SGTB: variants seen among roughly 807,000 people sequenced by gnomAD.
SGTB encodes small glutamine rich tetratricopeptide repeat co-chaperone beta.
Under a neutral mutation model 43.9 loss-of-function variants are expected in SGTB, and 19 were observed. That is an observed-to-expected ratio of 0.43 (90% CI 0.30 to 0.63). The LOEUF is 0.63. Ranked by LOEUF, SGTB falls within the 30% of genes least tolerant of loss-of-function variation. The pLI is 0.12. For missense variants in SGTB, 304 were observed against 358.9 expected (o/e 0.85, Z 1.24); for synonymous variants, 116 against 117.3 (o/e 0.99, Z 0.07).
Position 65,714,114 on chromosome 5 carries a change from A to T in SGTB, c.101-1050T>A, listed in dbSNP as rs199815032. Reference sequence around the variant, plus strand: ...TACAAACCTAAAATATTATTTTTTTAAAAAATGTGAGAAACAGAATTCTCC... The same window carrying T: ...TACAAACCTAAAATATTATTTTTTTTAAAAATGTGAGAAACAGAATTCTCC... On this transcript the variant is annotated intron_variant, in intron 2 of 10. Transcript: ENST00000381007. Among the ~76,000 whole-genome samples, 81 of 152,296 alleles carry T rather than the reference A, an allele frequency of 5.3e-4. No homozygotes were observed. The East Asian group carries it at 9.1e-3, about 17-fold the overall frequency.
In SGTB at chr5:65,672,273, A is replaced by G; in HGVS notation, c.690T>C (p.Ser230=). ...NNPAFISMAA[S]LMQNPQVQQL... ...GTTGAACTTGAGGGTTCTGCATTAAACTTGCCGCCTGGAATTGAAAAACAG... is the reference window on the plus strand; with the variant it reads ...GTTGAACTTGAGGGTTCTGCATTAAGCTTGCCGCCTGGAATTGAAAAACAG... Residue 230 remains serine, a synonymous_variant, in exon 9 of 11, where the codon AGT becomes AGC. Coordinates refer to ENST00000381007, the MANE Select transcript of SGTB (RefSeq NM_019072.3). 1 of 1,614,084 alleles carries G rather than the reference A, an allele frequency of 6.2e-7. No individual in the cohort carries two copies.
At chr5:65,688,949 A>G (rs1421558084) in intron 5 of SGTB, among the ~76,000 whole-genome samples, 1 of 152,148 alleles carries the variant, frequency 6.6e-6, no homozygotes, top group East Asian at 1.9e-4. Flanking sequence ...AGCTGGGATT[A>G]CAGGCGCCCG....
chr5:65,686,083 G>A (rs1282622754), intron 5 of SGTB, among the ~76,000 whole-genome samples: 5 of 152,098 alleles, frequency 3.3e-5, no homozygotes, highest in Non-Finnish European at 5.9e-5. Flanking sequence ...CCTCAATAAC[G>A]TTTCCAAATA....
chr5:65,699,552 TA>T (rs1757774025), intron 5 of SGTB, among the ~76,000 whole-genome samples: 1 of 152,232 alleles, frequency 6.6e-6, no homozygotes, highest in African/African-American at 2.4e-5. Flanking sequence ...TATATATTTT[TA>T]AAAGAGTCTG....
intron 4 of SGTB, among the ~76,000 whole-genome samples, chr5:65,704,806 C>G (rs773386227): frequency 6.6e-6 from 1 of 152,168 alleles, no homozygotes; most frequent in Admixed American, 6.5e-5. Context: ...CCTGTTAAAA[C>G]ACACATCTGC....
At chr5:65,711,324 C>G (rs1758042510) in intron 3 of SGTB, among the ~76,000 whole-genome samples, 1 of 149,246 alleles carries the variant, frequency 6.7e-6, no homozygotes, top group Admixed American at 6.7e-5. Flanking sequence ...TTTATTCAAA[C>G]AGAGGGTAAA....
rs137907237 is a variant in SGTB at position 65,687,699 on chromosome 5, G to C, written c.375-2227C>G. On this transcript the variant is annotated intron_variant, in intron 5 of 10. Transcript: ENST00000381007. ...TGCTTGAAGGAGAACAGTTCAGAGA[G>C]AGAAGTAATGCAAGGAATTAACTGA... Among the ~76,000 whole-genome samples the C allele has an allele frequency of 3.0e-3, 463 of 152,310 alleles. 1 individual carries two copies. The highest frequency in any genetic ancestry group is 4.6e-3 in the Non-Finnish European group (312 of 68,032).
intron 4 of SGTB, 111 bp downstream of exon 4, chr5:65,708,378 C>T: frequency 1.1e-6 from 1 of 887,238 alleles, no homozygotes; most frequent in Non-Finnish European, 1.7e-6. Context: ...GCCATGTGCA[C>T]TTATGACAAT....
chr5:65,712,904 TATTAAC>T, intron 3 of SGTB, 51 bp downstream of exon 3: 1 of 1,370,120 alleles, frequency 7.3e-7, no homozygotes, highest in South Asian at 1.2e-5. Context: ...ATTAACAATC[TATTAAC>T]ATAAAATTGT....
intron 3 of SGTB, among the ~76,000 whole-genome samples, chr5:65,709,654 G>A (rs1244969216): frequency 6.6e-6 from 1 of 152,332 alleles, no homozygotes; most frequent in Non-Finnish European, 1.5e-5. Flanking sequence ...TGGGATTACA[G>A]GCATGAGCCA....
intron 5 of SGTB, among the ~76,000 whole-genome samples, chr5:65,695,421 C>T (rs534874303): frequency 4.6e-5 from 7 of 152,232 alleles, no homozygotes; most frequent in South Asian, 2.1e-4. Flanking sequence ...ACAGGAGAGG[C>T]GTCTGAGCCT....
intron 3 of SGTB, 101 bp downstream of exon 3, chr5:65,712,860 G>T: frequency 1.3e-6 from 1 of 776,602 alleles, no homozygotes. Context: ...TATACAGGAT[G>T]AAGTTAATTA....
intron 5 of SGTB, among the ~76,000 whole-genome samples, chr5:65,699,448 G>A (rs114463271): frequency 0.026 from 3,939 of 152,244 alleles, 167 homozygotes; most frequent in African/African-American, 0.09. Flanking sequence ...TACACTACTC[G>A]GGTGATAGTT....
chr5:65,688,562 T>A (rs2150710260), intron 5 of SGTB, among the ~76,000 whole-genome samples: 1 of 152,292 alleles, frequency 6.6e-6, no homozygotes, highest in South Asian at 2.1e-4. Context: ...AAACAACAAA[T>A]CTGTTCCTAA....
At chr5:65,670,393 T>C in intron 10 of SGTB, 36 bp from the exon 11 acceptor site, 1 of 1,557,028 alleles carries the variant, frequency 6.4e-7, no homozygotes, top group South Asian at 1.1e-5. Context: ...GAATAGGGAA[T>C]TGCCAGTCAC....
In SGTB at chr5:65,720,837, A is replaced by G; in HGVS notation, c.-22-8T>C. The G allele has an allele frequency of 6.3e-7, 1 of 1,599,934 alleles. No individual in the cohort carries two copies. The highest frequency in any genetic ancestry group is 8.5e-7 in the Non-Finnish European group (1 of 1,176,488). On this transcript the variant is annotated splice_region_variant and splice_polypyrimidine_tract_variant and intron_variant, in intron 1 of 10. Coordinates refer to ENST00000381007, the MANE Select transcript of SGTB (RefSeq NM_019072.3). ...GAAGCTTAAACACTTTTCCTTGATAAGAAAAATGAAAACACTGAACTAAGT... is the reference window on the plus strand; with the variant it reads ...GAAGCTTAAACACTTTTCCTTGATAGGAAAAATGAAAACACTGAACTAAGT...
In SGTB at chr5:65,680,841, A is replaced by G. The variant is rs775186831; in HGVS notation, c.480-47T>C. 26 of 1,568,710 alleles carry G rather than the reference A, an allele frequency of 1.7e-5. No individual in the cohort carries two copies. In the South Asian group the frequency reaches 3.0e-4, roughly 18 times the overall value. On this transcript the variant is annotated intron_variant, in intron 6 of 10. Coordinates refer to ENST00000381007, the MANE Select transcript of SGTB (RefSeq NM_019072.3). ...AATATCAGATATATGATTAAAGAACATCAGGACATCACAAACATCGTCAAA... is the reference window on the plus strand; with the variant it reads ...AATATCAGATATATGATTAAAGAACGTCAGGACATCACAAACATCGTCAAA...
At chr5:65,709,382 G>GTT (rs547273264) in intron 3 of SGTB, among the ~76,000 whole-genome samples, 47 of 141,566 alleles carry the variant, frequency 3.3e-4, no homozygotes, top group Non-Finnish European at 3.7e-4. Flanking sequence ...ATATTGTCCA[G>GTT]TTTTTTTTTT....
intron 8 of SGTB, among the ~76,000 whole-genome samples, chr5:65,672,814 T>A (rs1463696139): frequency 6.6e-6 from 1 of 152,256 alleles, no homozygotes; most frequent in East Asian, 1.9e-4. Context: ...AATTTGAATT[T>A]AGTCTAAATC....
Sources: allele counts gnomAD v4.1 joint callset (sites outside exome capture counted in the v4.1 genomes callset), GRCh38; gene constraint gnomAD v4.1.1; transcripts MANE v1.5; gene names NCBI Gene and HGNC (gene_info 2026-07-23, HGNC 2026-07-21).